CD7: variants seen among roughly 807,000 people sequenced by gnomAD.
The protein encoded by CD7 is T-cell antigen CD7.
In CD7, 19 loss-of-function variants were observed where a neutral mutation model predicts 17.6. The observed-to-expected ratio is 1.08, with a 90% CI of 0.75 to 1.58. The LOEUF is 1.58. Ranked by LOEUF, CD7 falls within the 40% of genes most tolerant of loss-of-function variation. The pLI is 0.00. For missense variants in CD7, 291 were observed against 327.1 expected (o/e 0.89, Z 0.85); for synonymous variants, 160 against 159.8 (o/e 1.00, Z -0.01).
Position 82,316,226 on chromosome 17 carries a change from AG to A in CD7, c.580del (p.Leu194TrpfsTer12). On this transcript the variant is annotated frameshift_variant, in exon 3 of 4. Transcript: ENST00000312648. LOFTEE classifies it low-confidence loss of function (END_TRUNC). ...AVISFLLGLG[L>X]GVACVLARTQ... is the part of the protein sequence containing the mutation. ...CCTCGCCAGCACACACGCCACCCCC[AG>A]GCCCAGCCCGAGGAGGAAGGAGATC... 2 of 1,567,916 alleles carry A rather than the reference AG, an allele frequency of 1.3e-6. No individual in the cohort carries two copies. Among genetic ancestry groups the A allele is most frequent in the African/African-American group, 2.7e-5 (2 of 74,002 alleles).
rs1567839111 is a variant in CD7, at chr17:82,317,291, G to A, written c.82+123C>T. ...CTCTTAAATGAGTCCTCAGACACTG[G>A]AGGCCGCTCAGCACCCCACCCGCTT... is the stretch of plus-strand genomic sequence containing the variant. On this transcript the variant is annotated intron_variant, in intron 1 of 3. Transcript: ENST00000312648. The A allele has an allele frequency of 5.1e-6, 5 of 974,010 alleles. No individual in the cohort carries two copies. The East Asian group carries it at 1.0e-4, about 20-fold the overall frequency. The allele number at this position is 974,010 out of a possible 1,614,324, so 60.3% of individuals were successfully genotyped here.
intron 3 of CD7, chr17:82,315,737 A>G: frequency 1.8e-6 from 1 of 541,620 alleles, no homozygotes; most frequent in Non-Finnish European, 3.3e-6. Context: ...GGCCACGCCT[A>G]GACTCTGTGT....
rs2051998208 is a variant in CD7, at chr17:82,315,345, C to G, written c.699G>C (p.Leu233=). ...EDMSHSRCNT[L]SSPNQYQ ...GTCACTGGTACTGGTTGGGGGAGGA[C>G]AGCGTGTTGCAGCGGCTGTGCGACA... Residue 233 remains leucine (L), a synonymous_variant, in exon 4 of 4, where the codon CTG becomes CTC. Coordinates refer to ENST00000312648, the MANE Select transcript of CD7 (RefSeq NM_006137.7). 6.2e-6 allele frequency: 10 copies of G among 1,613,404 alleles called. No homozygotes were observed. The highest frequency in any genetic ancestry group is 8.5e-6 in the Non-Finnish European group (10 of 1,179,712).
intron 1 of CD7, 24 bp downstream of exon 1, chr17:82,317,390 A>C (rs2052027623): frequency 6.5e-7 from 1 of 1,544,808 alleles, no homozygotes. Flanking sequence ...AGCTGTGGCC[A>C]TGGAGAGCCT....
intron 3 of CD7, chr17:82,315,960 C>T (rs1045634654): frequency 2.5e-5 from 16 of 637,788 alleles, no homozygotes; most frequent in East Asian, 5.4e-5. Flanking sequence ...CACCTGCACA[C>T]GCGCACACGC....
chr17:82,316,607 A>T, intron 2 of CD7, 60 bp downstream of exon 2: 1 of 1,528,350 alleles, frequency 6.5e-7, no homozygotes, highest in Non-Finnish European at 8.9e-7. Flanking sequence ...GGGCTGGGGG[A>T]GCAGAGCCTG....
rs1478347407 is a variant in CD7 at position 82,314,955 on chromosome 17, G to A, written c.*366C>T. The A allele has an allele frequency of 8.1e-6, 2 of 247,374 alleles. No individual in the cohort carries two copies. Among genetic ancestry groups the A allele is most frequent in the Non-Finnish European group, 1.7e-5 (2 of 120,590 alleles). The allele number at this position is 247,374 out of a possible 1,614,324, so 15.3% of individuals were successfully genotyped here. A position where few individuals can be genotyped will look rare whatever the true frequency, so the allele number is the denominator to read the frequency against. ...TCCTCTGCCGGGCTGCCTGGGGGTT[G>A]GGGGCCTGCTGGTGGGTGGGCCGGC... On this transcript the variant is annotated 3_prime_UTR_variant, in exon 4 of 4. Transcript: ENST00000312648. The surrounding 1 kb of genome is among the most constrained non-coding windows in gnomAD (Gnocchi z 6.0).
chr17:82,315,971 G>T (rs1279536543), intron 3 of CD7: 1 of 652,226 alleles, frequency 1.5e-6, no homozygotes, highest in Non-Finnish European at 2.7e-6. Context: ...GCGCACACGC[G>T]CACACGCGGG....
chr17:82,317,562 A>T lies in CD7; in HGVS notation c.-67T>A. The T allele has an allele frequency of 1.4e-6, 2 of 1,407,386 alleles. No homozygotes were observed. The highest frequency in any genetic ancestry group is 1.9e-6 in the Non-Finnish European group (2 of 1,039,066). 87.2% of individuals were successfully genotyped at this position (1,407,386 alleles called of 1,614,324 possible). A position where few individuals can be genotyped will look rare whatever the true frequency, so the allele number is the denominator to read the frequency against. The stretch of plus-strand genomic sequence containing the variant: ...AGCCTCTCTGGGTCTACAGGACCCC[A>T]CAGAGAGCAGCACACAGGAGACCGC... On this transcript the variant is annotated 5_prime_UTR_variant, in exon 1 of 4. Transcript: ENST00000312648.
intron 3 of CD7, chr17:82,315,961 G>A (rs928446286): frequency 4.4e-5 from 28 of 637,762 alleles, no homozygotes; most frequent in African/African-American, 9.8e-5. Flanking sequence ...ACCTGCACAC[G>A]CGCACACGCG....
At chr17:82,316,096 G>A in intron 3 of CD7, 99 bp downstream of exon 3, 7 of 1,251,244 alleles carry the variant, frequency 5.6e-6, no homozygotes, top group Non-Finnish European at 8.0e-6. Flanking sequence ...GAGGCGGCGG[G>A]TACCAGGGTT....
At chr17:82,315,479 T>C (rs745323828) in intron 3 of CD7, 48 bp from the exon 4 acceptor site, 7 of 1,406,810 alleles carry the variant, frequency 5.0e-6, no homozygotes, top group Non-Finnish European at 5.0e-6. Context: ...CGTGGTGTCC[T>C]GGACCCCACC....
chr17:82,316,190 C>T lies in CD7; in HGVS notation c.612+5G>A, dbSNP rs562031607. The stretch of plus-strand genomic sequence containing the variant: ...GTGCAGGTGGCAGCTGGGGCTCACA[C>T]TGACCTGTGTCCTCGCCAGCACACA... On this transcript the variant is annotated splice_donor_5th_base_variant and intron_variant, in intron 3 of 3. Transcript: ENST00000312648. 3 of 1,555,116 alleles carry T rather than the reference C, an allele frequency of 1.9e-6. No homozygotes were observed. The highest frequency in any genetic ancestry group is 1.7e-4 in the Middle Eastern group (1 of 5,958).
rs778869218 is a variant in CD7, at chr17:82,317,414, C to T, written c.82G>A (p.Glu28Lys). 4.5e-6 allele frequency: 7 copies of T among 1,555,230 alleles called. No homozygotes were observed. Among genetic ancestry groups the T allele is most frequent in the Non-Finnish European group, 6.1e-6 (7 of 1,151,504 alleles). The stretch of plus-strand genomic sequence containing the variant: ...CATGGAGAGCCTGGGAAGCTCTTAC[C>T]TTGGGCAGCCAGGGCCCCAGGCAGG... ...RGLPGALAAQEVQQSPHCTTV... is the reference protein window; with the variant it reads ...RGLPGALAAQKVQQSPHCTTV... The change falls in exon 1 of 4, where the codon GAG becomes AAG. Residue 28 changes from glutamate to lysine, a missense_variant and splice_region_variant. Transcript: ENST00000312648.
chr17:82,316,176 A>G lies in CD7; in HGVS notation c.612+19T>C. 1 of 1,550,506 alleles carries G rather than the reference A, an allele frequency of 6.4e-7. No homozygotes were observed. Among genetic ancestry groups the G allele is most frequent in the South Asian group, 1.2e-5 (1 of 84,124 alleles). ...GAACAATCTTTGGGGTGCAGGTGGC[A>G]GCTGGGGCTCACACTGACCTGTGTC... On this transcript the variant is annotated intron_variant, in intron 3 of 3. Transcript: ENST00000312648.
At position 82,316,297 on chromosome 17, in the gene CD7, G is replaced by T; in HGVS notation, c.510C>A (p.Leu170=). 1 of 1,568,022 alleles carries T rather than the reference G, an allele frequency of 6.4e-7. No homozygotes were observed. Among genetic ancestry groups the T allele is most frequent in the Non-Finnish European group, 8.7e-7 (1 of 1,154,636 alleles). Residue 170 remains leucine (L), a synonymous_variant, in exon 3 of 4, where the codon CTC becomes CTA. Transcript: ENST00000312648. ...GGGCAGAGGCTGCTGGCGGGTCAGG[G>T]AGGGCAGAGGCTGTCTGCGGGTCAG... ...ALPDPQTASA[L]PDPPAASALP... is the part of the protein sequence containing the mutation.
At chr17:82,317,173 C>T (rs779127916) in intron 1 of CD7, 192 bp from the exon 2 acceptor site, 12 of 663,594 alleles carry the variant, frequency 1.8e-5, no homozygotes, top group Non-Finnish European at 2.8e-5. Flanking sequence ...GTGCTGTCCT[C>T]GTGTTCCGAG....
Position 82,315,358 on chromosome 17 carries a change from C to T in CD7, c.686G>A (p.Arg229His), listed in dbSNP as rs113733263. ...GTTGGGGGAGGACAGCGTGTTGCAG[C>T]GGCTGTGCGACATGTCCTCGTACAC... ...CVVYEDMSHSRCNTLSSPNQY... is the reference protein window; with the variant it reads ...CVVYEDMSHSHCNTLSSPNQY... Residue 229 changes from arginine (R) to histidine (H), a missense_variant, in exon 4 of 4, where the codon CGC becomes CAC. By Grantham distance (29) the Arg-to-His change is conservative. Coordinates refer to ENST00000312648, the MANE Select transcript of CD7 (RefSeq NM_006137.7). 34,627 of 1,613,116 alleles carry T rather than the reference C, an allele frequency of 0.021. 505 individuals are homozygous for T. Among genetic ancestry groups the T allele is most frequent in the South Asian group, 0.032 (2,896 of 91,066 alleles).
In CD7 at chr17:82,316,486, A is replaced by AGG; in HGVS notation, c.398-79_398-78dup. On this transcript the variant is annotated intron_variant, in intron 2 of 3. Transcript: ENST00000312648. ...GCCCCCGGGGTTTGGGATTCGGGGC[A>AGG]GGGAAAGGCTGTGGAGGGGAGGAGG... 3 of 1,379,268 alleles carry AGG rather than the reference A, an allele frequency of 2.2e-6. No individual in the cohort carries two copies. The South Asian group carries it at 3.9e-5, about 18-fold the overall frequency. 85.4% of individuals were successfully genotyped at this position (1,379,268 alleles called of 1,614,324 possible).
Sources: gnomAD v4.1 joint callset for allele counts on GRCh38, gnomAD v4.1.1 for gene constraint, Gnocchi (gnomAD v3.1) non-coding constraint, MANE v1.5 for transcripts, NCBI Gene and HGNC (gene_info 2026-07-23, HGNC 2026-07-21) for gene names.